DNM2: variants seen among roughly 807,000 people sequenced by gnomAD.
DNM2 encodes dynamin-2.
Under a neutral mutation model 99.0 loss-of-function variants are expected in DNM2, and 15 were observed. The observed-to-expected ratio is 0.15, with a 90% confidence interval of 0.10 to 0.23. The LOEUF is 0.23. Ranked by LOEUF, DNM2 falls within the 10% of genes least tolerant of loss-of-function variation. DNM2 has a pLI of 1.00. For synonymous variants in DNM2, 525 were observed against 481.2 expected (o/e 1.09, Z -1.19); for missense variants, 742 against 1,189.4 (o/e 0.62, Z 5.53).
chr19:10,805,858 C>G, intron 12 of DNM2, 58 bp from the exon 13 acceptor site: 2 of 1,611,646 alleles, frequency 1.2e-6, no homozygotes, highest in Non-Finnish European at 1.7e-6. Flanking sequence ...TTCGCCTCTT[C>G]CCCTTCTTCC....
At chr19:10,759,190 T>C (rs2070531563) in intron 1 of DNM2, among the ~76,000 whole-genome samples, 1 of 152,180 alleles carries the variant, frequency 6.6e-6, no homozygotes, top group Non-Finnish European at 1.5e-5. Context: ...TTAATTTTAG[T>C]AAACATCACC....
chr19:10,724,782 C>T (rs557032955), intron 1 of DNM2, among the ~76,000 whole-genome samples: 1 of 152,302 alleles, frequency 6.6e-6, no homozygotes, highest in Non-Finnish European at 1.5e-5. Context: ...TGATTTCCAG[C>T]TTCAACTCAG....
At chr19:10,718,588 C>A in intron 1 of DNM2, 185 bp downstream of exon 1, 1 of 893,196 alleles carries the variant, frequency 1.1e-6, no homozygotes, top group Non-Finnish European at 1.4e-6. Context: ...TGCAGGGGCT[C>A]CGGAGCAGGC....
At chr19:10,738,973 C>T (rs1434732310) in intron 1 of DNM2, among the ~76,000 whole-genome samples, 1 of 151,792 alleles carries the variant, frequency 6.6e-6, no homozygotes, top group Non-Finnish European at 1.5e-5. Flanking sequence ...TTGAGACCAT[C>T]CTGGCTAACA....
chr19:10,721,029 C>T (rs562821783), intron 1 of DNM2, among the ~76,000 whole-genome samples: 25 of 152,238 alleles, frequency 1.6e-4, no homozygotes, highest in African/African-American at 5.5e-4. Flanking sequence ...TCTCTCCCAT[C>T]CTTACCTCTC....
intron 13 of DNM2, 91 bp downstream of exon 13, chr19:10,806,058 G>C: frequency 6.5e-7 from 1 of 1,529,844 alleles, no homozygotes; most frequent in Non-Finnish European, 9.0e-7. Context: ...CTCGGCCTGT[G>C]TAAAGCCCCA....
chr19:10,757,298 A>G (rs577996244), intron 1 of DNM2, among the ~76,000 whole-genome samples: 50 of 152,314 alleles, frequency 3.3e-4, no homozygotes, highest in African/African-American at 1.2e-3. Flanking sequence ...ACCCAGCCAG[A>G]AGTGGTGGGA....
intron 4 of DNM2, among the ~76,000 whole-genome samples, chr19:10,776,765 A>G (rs1362148866): frequency 6.6e-6 from 1 of 152,244 alleles, no homozygotes; most frequent in Non-Finnish European, 1.5e-5. Flanking sequence ...CTTTGCCGGC[A>G]CTTGGAAAGT....
At chr19:10,726,634 G>C (rs1202583999) in intron 1 of DNM2, among the ~76,000 whole-genome samples, 1 of 152,084 alleles carries the variant, frequency 6.6e-6, no homozygotes, top group Non-Finnish European at 1.5e-5. Flanking sequence ...AAAATGCCCA[G>C]CATCGGATCA....
chr19:10,766,278 GCCATTCTCTGA>G (rs1248860797), intron 2 of DNM2, among the ~76,000 whole-genome samples: 1 of 152,184 alleles, frequency 6.6e-6, no homozygotes, highest in Non-Finnish European at 1.5e-5. Context: ...GATAGGGAGG[GCCATTCTCTGA>G]CCAAGGGCCT....
chr19:10,802,451 G>C, intron 12 of DNM2, 93 bp downstream of exon 12: 1 of 1,409,578 alleles, frequency 7.1e-7, no homozygotes, highest in South Asian at 1.2e-5. Context: ...TGAGAGGGCA[G>C]GTGTCAGACA....
In DNM2 at chr19:10,795,275, T is replaced by C. The variant is rs930584137; in HGVS notation, c.1129-97T>C. 8.8e-7 allele frequency: 1 copy of C among 1,135,460 alleles called. No homozygotes were observed. Among genetic ancestry groups the C allele is most frequent in the Non-Finnish European group, 1.3e-6 (1 of 747,128 alleles). The allele number at this position is 1,135,460 out of a possible 1,614,324, so 70.3% of individuals were successfully genotyped here. On this transcript the variant is annotated intron_variant, in intron 8 of 20. Transcript: ENST00000389253. The surrounding 1 kb of genome is among the most constrained non-coding windows in gnomAD (Gnocchi z 4.2). ...CGAGTTAAATATTCTGCCTTGTGAATATAGCCACACGTGGGAGAGAACGTT... is the reference window on the plus strand; with the variant it reads ...CGAGTTAAATATTCTGCCTTGTGAACATAGCCACACGTGGGAGAGAACGTT...
intron 1 of DNM2, among the ~76,000 whole-genome samples, chr19:10,743,050 A>G (rs2069817539): frequency 6.6e-6 from 1 of 151,322 alleles, no homozygotes; most frequent in African/African-American, 2.4e-5. Context: ...AGTAGCTGGG[A>G]CCACAGGCGT....
In DNM2 at chr19:10,759,784, A is replaced by G. The variant is rs755642825; in HGVS notation, c.208A>G (p.Ile70Val). Residue 70 changes from isoleucine to valine, a missense_variant, in exon 2 of 21, where the codon ATT becomes GTT. Physicochemically the swap from Ile to Val is conservative, Grantham distance 29 (BLOSUM62 3). Transcript: ENST00000389253. The part of the protein sequence containing the change: ...GSGIVTRRPL[I>V]LQLIFSKTEH... The stretch of plus-strand genomic sequence containing the variant: ...AGGAATCGTCACCCGGCGGCCTCTC[A>G]TTCTGCAGCTCATCTTCTCAAAAAC... The G allele has an allele frequency of 3.1e-6, 5 of 1,613,978 alleles. No individual in the cohort carries two copies. In the South Asian group the frequency reaches 5.5e-5, roughly 18 times the overall value.
At position 10,772,718 on chromosome 19, in the gene DNM2, G is replaced by C; in HGVS notation, c.385+90G>C. 6.3e-7 allele frequency: 1 copy of C among 1,574,986 alleles called. No individual in the cohort carries two copies. Among genetic ancestry groups the C allele is most frequent in the East Asian group, 2.3e-5 (1 of 43,898 alleles). On this transcript the variant is annotated intron_variant, in intron 3 of 20. Coordinates refer to ENST00000389253, the MANE Select transcript of DNM2 (RefSeq NM_001005361.3). This position sits in a 1 kb window ranked among gnomAD's most constrained non-coding sequence, Gnocchi z 4.9. ...TGAGCCTGTGTACTTCCACTCATGG[G>C]TATCATGTGCCCATTCACAAACAGT...
intron 2 of DNM2, among the ~76,000 whole-genome samples, chr19:10,770,524 C>T (rs1163521195): frequency 1.3e-5 from 2 of 152,160 alleles, no homozygotes; most frequent in African/African-American, 4.8e-5. Flanking sequence ...ATGATCCTCC[C>T]ACTTCAGCCG....
Position 10,831,094 on chromosome 19 carries a change from G to A in DNM2, c.*47G>A, listed in dbSNP as rs367938944. 1.0e-3 allele frequency: 1,611 copies of A among 1,554,484 alleles called. 17 individuals are homozygous for A. In the African/African-American group the frequency reaches 0.017, roughly 16 times the overall value. On this transcript the variant is annotated 3_prime_UTR_variant, in exon 21 of 21. Transcript: ENST00000389253. This position sits in a 1 kb window ranked among gnomAD's most constrained non-coding sequence, Gnocchi z 4.3. ...CGGGGGGGCCTCACGCACCCGCGGCGCAGGAGCTTCAGTGGTCTGGGGCCC... is the reference window on the plus strand; with the variant it reads ...CGGGGGGGCCTCACGCACCCGCGGCACAGGAGCTTCAGTGGTCTGGGGCCC...
In DNM2 at chr19:10,765,829, C is replaced by T. The variant is rs1310944315; in HGVS notation, c.235+6018C>T. ...CAGGTTTGGGAAAGGCAGATCTCCTCTCCTTGCCTTCAGGGCCAGCCTCGT... is the reference window on the plus strand; with the variant it reads ...CAGGTTTGGGAAAGGCAGATCTCCTTTCCTTGCCTTCAGGGCCAGCCTCGT... On this transcript the variant is annotated intron_variant, in intron 2 of 20. Coordinates refer to ENST00000389253, the MANE Select transcript of DNM2 (RefSeq NM_001005361.3). The surrounding 1 kb of genome is among the most constrained non-coding windows in gnomAD (Gnocchi z 4.4). 3.3e-5 allele frequency among the ~76,000 whole-genome samples: 5 copies of T among 152,194 alleles called. No homozygotes were observed. The highest frequency in any genetic ancestry group is 7.2e-5 in the African/African-American group (3 of 41,458).
At chr19:10,747,827 C>T (rs921438356) in intron 1 of DNM2, among the ~76,000 whole-genome samples, 4 of 151,188 alleles carry the variant, frequency 2.6e-5, no homozygotes, top group Non-Finnish European at 4.4e-5. Flanking sequence ...GAGCATTGAG[C>T]GGGTTGATGT....
Sources: allele counts gnomAD v4.1 joint callset (sites outside exome capture counted in the v4.1 genomes callset), GRCh38; gene constraint gnomAD v4.1.1; non-coding constraint Gnocchi (gnomAD v3.1); transcripts MANE v1.5; gene names NCBI Gene and HGNC (gene_info 2026-07-23, HGNC 2026-07-21).